The following TET3 variants were observed in gnomAD, a reference collection of about 807,000 sequenced individuals.
TET3 encodes tet methylcytosine dioxygenase 3, also known as methylcytosine dioxygenase TET3.
A neutral mutation model predicts 141.4 loss-of-function variants in TET3; 19 were observed. The ratio of observed to expected loss-of-function variants is 0.13; its 90% CI spans 0.09 to 0.20. TET3 has a LOEUF of 0.20. Ranked by LOEUF, TET3 falls within the 10% of genes least tolerant of loss-of-function variation. TET3 has a pLI of 1.00. For missense variants in TET3, 1,874 were observed against 2,356.9 expected (o/e 0.80, Z 4.24); for synonymous variants, 1,043 against 980.9 (o/e 1.06, Z -1.18).
At chr2:74,009,473 G>T (rs967921695) in intron 3 of TET3, among the ~76,000 whole-genome samples, 1 of 152,226 alleles carries the variant, frequency 6.6e-6, no homozygotes, top group South Asian at 2.1e-4. Flanking sequence ...GCTGGACCCA[G>T]AGAGAGGAAA....
rs1346307557 is a variant in TET3 at position 74,105,636 on chromosome 2, G to A, written c.*3460G>A. On this transcript the variant is annotated 3_prime_UTR_variant, in exon 12 of 12. Transcript: ENST00000409262. ...AGATGATACCCCACCGCCCCCTCTT[G>A]GTCCTTCCACCAGCCTCTTTTGGGA... 1.1e-5 allele frequency: 4 copies of A among 366,866 alleles called. No homozygotes were observed. Among genetic ancestry groups the A allele is most frequent in the Non-Finnish European group, 1.9e-5 (4 of 205,856 alleles). The allele number at this position is 366,866 out of a possible 1,614,324, so 22.7% of individuals were successfully genotyped here.
intron 6 of TET3, among the ~76,000 whole-genome samples, chr2:74,084,455 CTT>C (rs752192332): frequency 1.8e-4 from 25 of 142,574 alleles, no homozygotes; most frequent in Non-Finnish European, 1.7e-4. Context: ...ATGTCTCTCT[CTT>C]TTTTTTTTTT....
upstream of TET3, among the ~76,000 whole-genome samples, chr2:73,984,292 G>A (rs945138707): frequency 6.6e-6 from 1 of 152,224 alleles, no homozygotes; most frequent in Non-Finnish European, 1.5e-5. The surrounding 1 kb of genome is among the most constrained non-coding windows in gnomAD (Gnocchi z 5.6). Context: ...AGGGCCGTGG[G>A]GTCCACCTGG....
At chr2:74,119,248 G>T in the TET3 span, among the ~76,000 whole-genome samples, 2 of 151,876 alleles carry the variant, frequency 1.3e-5, no homozygotes, top group African/African-American at 2.4e-5. Context: ...AGATACTTCG[G>T]AGGCTGAGGC....
At chr2:74,024,032 T>G (rs996943301) in intron 3 of TET3, among the ~76,000 whole-genome samples, 1 of 152,252 alleles carries the variant, frequency 6.6e-6, no homozygotes, top group Non-Finnish European at 1.5e-5. Flanking sequence ...TTTTTCTCAT[T>G]TAGTAAAACT....
At chr2:74,128,199 G>A in the TET3 span, among the ~76,000 whole-genome samples, 3 of 151,364 alleles carry the variant, frequency 2.0e-5, no homozygotes, top group Non-Finnish European at 4.4e-5. Flanking sequence ...TTTTCGCTTG[G>A]TGTAGTTTCT....
intron 3 of TET3, among the ~76,000 whole-genome samples, chr2:74,022,240 T>G (rs1050927873): frequency 4.6e-5 from 7 of 152,084 alleles, no homozygotes; most frequent in African/African-American, 1.4e-4. Flanking sequence ...TGCAAATCTT[T>G]CCTTGCTATG....
intron 3 of TET3, among the ~76,000 whole-genome samples, chr2:74,007,042 C>T (rs1685188154): frequency 6.6e-6 from 1 of 152,118 alleles, no homozygotes; most frequent in South Asian, 2.1e-4. Flanking sequence ...GTTCTAGGTA[C>T]AGCATTAGGT....
Position 74,047,414 on chromosome 2 carries a change from G to T in TET3, c.1497G>T (p.Pro499=), listed in dbSNP as rs566414145. Residue 499 remains proline (P), a synonymous_variant, in exon 4 of 12, where the codon CCG becomes CCT. Transcript: ENST00000409262. ...AGGTGGAGGCACCCTCTTCCTCCCC[G>T]GCCCCGGCCCCATCCCCTGTACTTC... is the stretch of plus-strand genomic sequence containing the variant. The part of the protein sequence containing the change: ...KVKVEAPSSS[P]APAPSPVLQR... The T allele has an allele frequency of 4.3e-6, 7 of 1,612,120 alleles. No homozygotes were observed. The highest frequency in any genetic ancestry group is 5.9e-6 in the Non-Finnish European group (7 of 1,179,514).
intron 6 of TET3, among the ~76,000 whole-genome samples, chr2:74,082,002 G>T (rs1689859384): frequency 6.6e-6 from 1 of 151,534 alleles, no homozygotes; most frequent in African/African-American, 2.4e-5. Context: ...TACCTCCCCA[G>T]AGAACCCATC....
At chr2:74,037,709 C>T (rs977556350) in intron 3 of TET3, among the ~76,000 whole-genome samples, 5 of 152,194 alleles carry the variant, frequency 3.3e-5, no homozygotes, top group Admixed American at 2.0e-4. Flanking sequence ...TGCTGACAGT[C>T]AGCAAAACAG....
chr2:74,009,228 C>A (rs1406691676), intron 3 of TET3, among the ~76,000 whole-genome samples: 1 of 152,196 alleles, frequency 6.6e-6, no homozygotes, highest in Admixed American at 6.5e-5. Flanking sequence ...CATCTCTGAC[C>A]CTGCTGGCCA....
intron 4 of TET3, among the ~76,000 whole-genome samples, chr2:74,068,200 A>T (rs1200662843): frequency 6.6e-6 from 1 of 151,486 alleles, no homozygotes; most frequent in Non-Finnish European, 1.5e-5. Context: ...TTAATTTTTA[A>T]TTTTTTTTAC....
At chr2:74,003,540 G>A (rs1684983652) in intron 3 of TET3, among the ~76,000 whole-genome samples, 1 of 149,130 alleles carries the variant, frequency 6.7e-6, no homozygotes, top group Non-Finnish European at 1.5e-5. Flanking sequence ...AGAAATCCCG[G>A]GGGGGACGGT....
At chr2:74,074,796 G>A (rs948856775) in intron 5 of TET3, among the ~76,000 whole-genome samples, 17 of 152,234 alleles carry the variant, frequency 1.1e-4, no homozygotes, top group Non-Finnish European at 1.5e-4. Context: ...AAGGTAGATA[G>A]TCATTAACTA....
At chr2:74,117,236 C>CTGGCTAATTTT in the TET3 span, among the ~76,000 whole-genome samples, 2 of 152,268 alleles carry the variant, frequency 1.3e-5, no homozygotes, top group Admixed American at 1.3e-4. Context: ...GCCACCATGC[C>CTGGCTAATTTT]TGGCTAATTT....
At chr2:74,070,521 T>C (rs958173275) in intron 4 of TET3, among the ~76,000 whole-genome samples, 2 of 152,224 alleles carry the variant, frequency 1.3e-5, no homozygotes, top group African/African-American at 4.8e-5. Flanking sequence ...TCATCTGCGC[T>C]GTGCTGCTTT....
At chr2:74,114,057 T>G in the TET3 span, among the ~76,000 whole-genome samples, 1 of 152,026 alleles carries the variant, frequency 6.6e-6, no homozygotes, top group Non-Finnish European at 1.5e-5. Context: ...CAAAATATAC[T>G]AAAAAACTGT....
intron 4 of TET3, among the ~76,000 whole-genome samples, chr2:74,062,429 A>G (rs936538613): frequency 1.2e-4 from 19 of 152,226 alleles, no homozygotes; most frequent in Middle Eastern, 3.2e-3. Context: ...AAAACAAAAG[A>G]TATTTACTTA....
Sources: allele counts gnomAD v4.1 joint callset (sites outside exome capture counted in the v4.1 genomes callset), GRCh38; gene constraint gnomAD v4.1.1; non-coding constraint Gnocchi (gnomAD v3.1); transcripts MANE v1.5; gene names NCBI Gene and HGNC (gene_info 2026-07-23, HGNC 2026-07-21).